The following CLXN variants were observed in gnomAD, a reference collection of about 807,000 sequenced individuals.
The protein encoded by CLXN is EF-hand calcium binding domain 1.
At chr8:48,735,166 G>T in the CLXN span, 1 of 1,613,886 alleles carries the variant, frequency 6.2e-7, no homozygotes, top group East Asian at 2.2e-5. Flanking sequence ...GGCGCTCAGA[G>T]AATCGGGCCG....
chr8:48,727,046 C>G, the CLXN span, among the ~76,000 whole-genome samples: 1 of 143,200 alleles, frequency 7.0e-6, no homozygotes, highest in Non-Finnish European at 1.5e-5. Flanking sequence ...CATCCATCCA[C>G]ACACCCATCC....
the CLXN span, chr8:48,730,727 A>T: frequency 3.4e-5 from 24 of 714,592 alleles, no homozygotes; most frequent in Non-Finnish European, 5.0e-5. Context: ...ACTCACTTTT[A>T]AAATTAAGAG....
chr8:48,726,870 A>ATCTATCT, the CLXN span, among the ~76,000 whole-genome samples: 3 of 136,202 alleles, frequency 2.2e-5, no homozygotes, highest in Non-Finnish European at 4.6e-5. Flanking sequence ...TGCATCTATC[A>ATCTATCT]ATCTATCTAT....
At chr8:48,729,618 A>T in the CLXN span, 1 of 1,113,218 alleles carries the variant, frequency 9.0e-7, no homozygotes, top group Non-Finnish European at 1.2e-6. Flanking sequence ...TGTTTTATTT[A>T]AGCAAGCAGA....
the CLXN span, among the ~76,000 whole-genome samples, chr8:48,722,330 G>A: frequency 2.0e-5 from 3 of 152,148 alleles, no homozygotes; most frequent in Non-Finnish European, 4.4e-5. Flanking sequence ...TTACTGGTGG[G>A]AATGCAAATT....
the CLXN span, chr8:48,729,798 G>C: frequency 6.2e-7 from 1 of 1,613,362 alleles, no homozygotes; most frequent in East Asian, 2.2e-5. Context: ...TGAGAAGGCT[G>C]TTCTTCAACA....
At chr8:48,720,656 T>G in the CLXN span, among the ~76,000 whole-genome samples, 5 of 152,218 alleles carry the variant, frequency 3.3e-5, no homozygotes, top group African/African-American at 1.2e-4. Context: ...TTTTTCCCTT[T>G]GTCCTATTCC....
At chr8:48,722,305 A>T in the CLXN span, among the ~76,000 whole-genome samples, 8 of 152,230 alleles carry the variant, frequency 5.3e-5, no homozygotes, top group Non-Finnish European at 1.2e-4. Flanking sequence ...TATGGAGAAA[A>T]GAGAATCCTG....
chr8:48,733,106 T>C, the CLXN span, among the ~76,000 whole-genome samples: 1 of 152,104 alleles, frequency 6.6e-6, no homozygotes, highest in Non-Finnish European at 1.5e-5. Context: ...TTTCATGTTA[T>C]ATGTAACCAC....
At chr8:48,734,180 T>C in the CLXN span, among the ~76,000 whole-genome samples, 4 of 152,302 alleles carry the variant, frequency 2.6e-5, no homozygotes, top group Admixed American at 2.6e-4. Flanking sequence ...TACATCAACA[T>C]GTTTATTCCT....
At chr8:48,716,964 A>G in the CLXN span, among the ~76,000 whole-genome samples, 3 of 152,208 alleles carry the variant, frequency 2.0e-5, no homozygotes, top group African/African-American at 7.2e-5. Flanking sequence ...AGAAATGCAG[A>G]GGACCAGGCT....
At chr8:48,713,423 C>G in the CLXN span, among the ~76,000 whole-genome samples, 1 of 152,116 alleles carries the variant, frequency 6.6e-6, no homozygotes, top group Non-Finnish European at 1.5e-5. Context: ...GAAATGGCCC[C>G]CTGAGATAAG....
chr8:48,731,591 C>A, the CLXN span: 2 of 1,086,634 alleles, frequency 1.8e-6, no homozygotes, highest in Non-Finnish European at 1.3e-6. Context: ...AGACAAACAA[C>A]GTCAAAGACA....
chr8:48,719,394 G>A, the CLXN span, among the ~76,000 whole-genome samples: 3 of 151,636 alleles, frequency 2.0e-5, no homozygotes, highest in Non-Finnish European at 4.4e-5. Flanking sequence ...TAAAAAAATA[G>A]AAAAAAAGGG....
At chr8:48,726,904 T>TCTAC in the CLXN span, among the ~76,000 whole-genome samples, 1 of 138,870 alleles carries the variant, frequency 7.2e-6, no homozygotes, top group Non-Finnish European at 1.5e-5. Flanking sequence ...TATCTATCTA[T>TCTAC]CCACCCACCC....
the CLXN span, chr8:48,729,017 C>T: frequency 1.3e-6 from 2 of 1,551,462 alleles, no homozygotes; most frequent in Non-Finnish European, 8.8e-7. Flanking sequence ...CTTTGATTAC[C>T]GTTCAGGGAA....
the CLXN span, chr8:48,731,270 G>A: frequency 2.1e-6 from 3 of 1,411,752 alleles, no homozygotes; most frequent in South Asian, 1.7e-5. Context: ...TTCCTACCAA[G>A]AGGATGTCCA....
At chr8:48,713,745 G>A in the CLXN span, 1 of 152,102 alleles carries the variant, frequency 6.6e-6, no homozygotes, top group African/African-American at 2.4e-5. Flanking sequence ...TGAATGTTTT[G>A]GATGATTTTA....
At chr8:48,714,890 TAA>T in the CLXN span, 1 of 152,196 alleles carries the variant, frequency 6.6e-6, no homozygotes, top group East Asian at 1.9e-4. Context: ...GAATTATTTA[TAA>T]TAGCAAAAAT....
Sources: allele counts gnomAD v4.1 joint callset (sites outside exome capture counted in the v4.1 genomes callset), GRCh38; gene constraint gnomAD v4.1.1; transcripts MANE v1.5; gene names NCBI Gene and HGNC (gene_info 2026-07-23, HGNC 2026-07-21).